DLGAP1: variants seen among roughly 807,000 people sequenced by gnomAD.
The protein encoded by DLGAP1 is disks large-associated protein 1.
Under a neutral mutation model 90.8 loss-of-function variants are expected in DLGAP1, and 11 were observed. The ratio of observed to expected loss-of-function variants is 0.12; its 90% CI spans 0.08 to 0.20. The LOEUF (loss-of-function observed/expected upper bound fraction) is 0.20, where lower values mean the gene tolerates loss of function less well. Ranked by LOEUF, DLGAP1 falls within the 10% of genes least tolerant of loss-of-function variation. The pLI, the probability that DLGAP1 is intolerant of heterozygous loss-of-function variation, is 1.00. For synonymous variants in DLGAP1, 558 were observed against 540.7 expected, an observed-to-expected ratio of 1.03 and a Z score of -0.44; for missense variants, 1,050 against 1,333.8, an observed-to-expected ratio of 0.79 and a Z score of 3.31.
intron 7 of DLGAP1, among the ~76,000 whole-genome samples, chr18:3,663,286 C>G (rs1428382090): frequency 6.6e-6 from 1 of 151,796 alleles, no homozygotes; most frequent in East Asian, 1.9e-4. Flanking sequence ...AAAAAAGAAC[C>G]TGAATCTCAA....
chr18:4,155,455 A>G (rs1296146563), intron 1 of DLGAP1, among the ~76,000 whole-genome samples: 1 of 152,184 alleles, frequency 6.6e-6, no homozygotes, highest in African/African-American at 2.4e-5. Context: ...AGTAGTAGGT[A>G]CAGATAATAC....
Position 4,383,378 on chromosome 18 carries a change from A to G in DLGAP1, c.-267+71628T>C, listed in dbSNP as rs993503142. 1.3e-5 allele frequency among the ~76,000 whole-genome samples: 2 copies of G among 152,140 alleles called. No individual in the cohort carries two copies. Among genetic ancestry groups the G allele is most frequent in the African/African-American group, 4.8e-5 (2 of 41,442 alleles). ...TAATGGGATTTTCATGGTTTTCATT[A>G]GCATTCATTTTCCTTTTCCTTACAT... On this transcript the variant is annotated intron_variant, in intron 1 of 12. Coordinates refer to ENST00000315677, the MANE Select transcript of DLGAP1 (RefSeq NM_004746.4). This position sits in a 1 kb window ranked among gnomAD's most constrained non-coding sequence, Gnocchi z 4.0.
intron 1 of DLGAP1, among the ~76,000 whole-genome samples, chr18:4,166,118 C>T (rs1416927178): frequency 6.6e-6 from 1 of 151,938 alleles, no homozygotes; most frequent in Non-Finnish European, 1.5e-5. Flanking sequence ...ATGATCATGC[C>T]ACTGCACTTC....
chr18:3,659,839 C>T (rs1463173670), intron 7 of DLGAP1, among the ~76,000 whole-genome samples: 1 of 152,192 alleles, frequency 6.6e-6, no homozygotes, highest in Non-Finnish European at 1.5e-5. Flanking sequence ...GCTGGGATTA[C>T]ACGCATGAGC....
intron 1 of DLGAP1, among the ~76,000 whole-genome samples, chr18:4,420,541 C>T (rs1271154768): frequency 6.6e-6 from 1 of 152,074 alleles, no homozygotes; most frequent in Non-Finnish European, 1.5e-5. Context: ...AGTGGTCAGT[C>T]AATGGGTCCC....
intron 4 of DLGAP1, among the ~76,000 whole-genome samples, chr18:3,836,047 C>A (rs1312468004): frequency 6.6e-6 from 1 of 152,200 alleles, no homozygotes; most frequent in Non-Finnish European, 1.5e-5. Flanking sequence ...TAGCCCTAAA[C>A]CTGCTGTCAT....
At chr18:4,449,729 C>G (rs2083770927) in intron 1 of DLGAP1, among the ~76,000 whole-genome samples, 1 of 152,044 alleles carries the variant, frequency 6.6e-6, no homozygotes, top group Non-Finnish European at 1.5e-5. Flanking sequence ...CGTAAAAGGA[C>G]CATGAAAAAG....
chr18:4,453,701 C>T (rs1329110457), intron 1 of DLGAP1, among the ~76,000 whole-genome samples: 1 of 152,142 alleles, frequency 6.6e-6, no homozygotes, highest in Non-Finnish European at 1.5e-5. Context: ...TCACGAAGAC[C>T]ACAAAAGCTA....
intron 1 of DLGAP1, among the ~76,000 whole-genome samples, chr18:4,453,594 C>T (rs2083888987): frequency 1.3e-5 from 2 of 152,106 alleles, no homozygotes; most frequent in South Asian, 4.1e-4. Flanking sequence ...GGATGTTTGC[C>T]TTAGGACCTA....
intron 1 of DLGAP1, among the ~76,000 whole-genome samples, chr18:4,355,040 G>C (rs1345240358): frequency 1.3e-5 from 2 of 151,692 alleles, no homozygotes; most frequent in Admixed American, 6.6e-5. Flanking sequence ...ATGTAAAATT[G>C]TACAGCCGCT....
At chr18:3,844,141 G>A (rs2068872431) in intron 4 of DLGAP1, among the ~76,000 whole-genome samples, 1 of 152,204 alleles carries the variant, frequency 6.6e-6, no homozygotes, top group Non-Finnish European at 1.5e-5. Context: ...AGATGAGACA[G>A]TAGGAATAGG....
chr18:4,330,844 A>G (rs1192772610), intron 1 of DLGAP1, among the ~76,000 whole-genome samples: 1 of 151,872 alleles, frequency 6.6e-6, no homozygotes, highest in African/African-American at 2.4e-5. Flanking sequence ...AGAAATATTC[A>G]AGCAAATCAT....
chr18:3,741,095 C>T (rs1294434723), intron 6 of DLGAP1, among the ~76,000 whole-genome samples: 4 of 131,842 alleles, frequency 3.0e-5, no homozygotes, highest in South Asian at 2.7e-4. Flanking sequence ...CCATCACCAC[C>T]ACCACCATCA....
At chr18:3,897,331 A>G (rs2071650961) in intron 3 of DLGAP1, among the ~76,000 whole-genome samples, 1 of 152,236 alleles carries the variant, frequency 6.6e-6, no homozygotes, top group Admixed American at 6.5e-5. Context: ...ACCTTGATAT[A>G]GAAGGGAGCC....
chr18:3,845,129 T>A, intron 4 of DLGAP1: 2 of 1,404,156 alleles, frequency 1.4e-6, no homozygotes, highest in Non-Finnish European at 2.0e-6. Context: ...AACATGAAAT[T>A]AACTCCAGTA....
chr18:4,103,866 A>C (rs113506898), intron 2 of DLGAP1, among the ~76,000 whole-genome samples: 72 of 152,260 alleles, frequency 4.7e-4, no homozygotes, highest in African/African-American at 1.7e-3. Context: ...TGCTAAATTG[A>C]ACTAGCTACA....
At chr18:4,389,728 A>G (rs2144407360) in intron 1 of DLGAP1, among the ~76,000 whole-genome samples, 1 of 152,350 alleles carries the variant, frequency 6.6e-6, no homozygotes. Context: ...ACTACCCATT[A>G]TACGCAAATT....
intron 4 of DLGAP1, among the ~76,000 whole-genome samples, chr18:3,854,793 G>C (rs2069536374): frequency 6.6e-6 from 1 of 152,210 alleles, no homozygotes; most frequent in South Asian, 2.1e-4. Context: ...ACCTGAGTGT[G>C]AGGCAGCCTG....
chr18:3,612,016 T>C (rs2057658781), intron 7 of DLGAP1, among the ~76,000 whole-genome samples: 4 of 152,204 alleles, frequency 2.6e-5, no homozygotes, highest in Admixed American at 2.6e-4. Context: ...ACTAAAGCGC[T>C]ATCAAATGAA....
Sources: gnomAD v4.1 joint callset for allele counts (sites outside exome capture counted in the v4.1 genomes callset) on GRCh38, gnomAD v4.1.1 for gene constraint, Gnocchi (gnomAD v3.1) non-coding constraint, MANE v1.5 for transcripts, NCBI Gene and HGNC (gene_info 2026-07-23, HGNC 2026-07-21) for gene names.